The following TBC1D22A variants were observed in gnomAD, a reference collection of about 807,000 sequenced individuals.
TBC1D22A encodes the protein putative GTPase activator.
TBC1D22A carries 38 observed loss-of-function variants against 60.2 expected under a neutral mutation model. The observed-to-expected ratio is 0.63, with a 90% CI of 0.49 to 0.83. The LOEUF (loss-of-function observed/expected upper bound fraction) is 0.83. Ranked by LOEUF, TBC1D22A falls within the 40% of genes least tolerant of loss-of-function variation. TBC1D22A has a pLI of 0.00. For missense variants in TBC1D22A, 628 were observed against 701.0 expected, an observed-to-expected ratio of 0.90 and a Z score of 1.18; for synonymous variants, 302 against 281.7, an observed-to-expected ratio of 1.07 and a Z score of -0.72.
At chr22:46,790,750 C>T (rs1162951550) in intron 1 of TBC1D22A, among the ~76,000 whole-genome samples, 1 of 152,206 alleles carries the variant, frequency 6.6e-6, no homozygotes, top group Non-Finnish European at 1.5e-5. Flanking sequence ...GTGGTGTTGA[C>T]ACTGCTGGTG....
rs1472937856 is a variant in TBC1D22A, at chr22:46,793,786, C to A, written c.405C>A (p.Ser135Arg). The A allele has an allele frequency of 6.3e-7, 1 of 1,598,974 alleles. No homozygotes were observed. Residue 135 changes from serine (S) to arginine (R), a missense_variant, in exon 3 of 13, where the codon AGC becomes AGA. Coordinates refer to ENST00000337137, the MANE Select transcript of TBC1D22A (RefSeq NM_014346.5). ...RPEAEPPSPPSGDLRLVKSVS... is the reference protein window; with the variant it reads ...RPEAEPPSPPRGDLRLVKSVS... ...AGGCAGAGCCGCCCTCACCCCCCAG[C>A]GGCGACCTCCGGCTGGTGAAGTCGG...
chr22:47,107,238 G>T (rs1290879507), intron 11 of TBC1D22A, among the ~76,000 whole-genome samples: 1 of 152,142 alleles, frequency 6.6e-6, no homozygotes, highest in Non-Finnish European at 1.5e-5. Flanking sequence ...CCACATGTAG[G>T]CCAGAAAGAC....
chr22:47,034,895 G>A (rs534812467), intron 10 of TBC1D22A, among the ~76,000 whole-genome samples: 5 of 152,268 alleles, frequency 3.3e-5, no homozygotes, highest in Non-Finnish European at 7.4e-5. Context: ...CTTGCTGCTC[G>A]CGTGTGACGC....
chr22:47,121,127 G>A (rs2066257796), intron 12 of TBC1D22A, among the ~76,000 whole-genome samples: 1 of 152,246 alleles, frequency 6.6e-6, no homozygotes, highest in African/African-American at 2.4e-5. Flanking sequence ...GAGAATTTAT[G>A]TAGCTATCCA....
At chr22:46,905,473 C>A (rs1414145189) in intron 7 of TBC1D22A, among the ~76,000 whole-genome samples, 1 of 152,228 alleles carries the variant, frequency 6.6e-6, no homozygotes, top group African/African-American at 2.4e-5. Flanking sequence ...TGATTTGGGT[C>A]CGTGCAGGGT....
chr22:47,118,536 T>C (rs975154154), intron 12 of TBC1D22A, among the ~76,000 whole-genome samples: 1 of 152,154 alleles, frequency 6.6e-6, no homozygotes, highest in African/African-American at 2.4e-5. Context: ...TTAAAAATAT[T>C]AAAACAAGTA....
intron 4 of TBC1D22A, among the ~76,000 whole-genome samples, chr22:46,841,933 T>C (rs2086790211): frequency 6.6e-6 from 1 of 152,254 alleles, no homozygotes. Flanking sequence ...TACGTAAATC[T>C]GAATCCCATG....
intron 4 of TBC1D22A, among the ~76,000 whole-genome samples, chr22:46,833,192 G>C (rs914969793): frequency 1.3e-5 from 2 of 152,164 alleles, no homozygotes; most frequent in Non-Finnish European, 2.9e-5. Context: ...TGATGACTAG[G>C]CAGTGTTTAG....
chr22:47,161,361 G>A lies in TBC1D22A; in HGVS notation c.1426-12137G>A, dbSNP rs139590953. Among the ~76,000 whole-genome samples the A allele has an allele frequency of 2.6e-4, 39 of 152,216 alleles. No homozygotes were observed. The East Asian group carries it at 6.8e-3, about 26-fold the overall frequency. On this transcript the variant is annotated intron_variant, in intron 12 of 12. Transcript: ENST00000337137. ...TGGTATGGGGGGCACTGGGCTTCCCGCCTGGCTGCCACCTCTGCTTCTCAG... is the reference window on the plus strand; with the variant it reads ...TGGTATGGGGGGCACTGGGCTTCCCACCTGGCTGCCACCTCTGCTTCTCAG...
intron 11 of TBC1D22A, among the ~76,000 whole-genome samples, chr22:47,038,382 G>A (rs898057213): frequency 6.6e-6 from 1 of 152,184 alleles, no homozygotes; most frequent in South Asian, 2.1e-4. Flanking sequence ...TTTCTAAGGC[G>A]GCATAGGTCC....
chr22:46,845,043 G>A (rs1402405200), intron 4 of TBC1D22A, among the ~76,000 whole-genome samples: 6 of 152,158 alleles, frequency 3.9e-5, no homozygotes, highest in East Asian at 1.9e-4. Context: ...ATACCCTGGC[G>A]TCCAGTGACT....
At chr22:46,996,272 C>T (rs2075118671) in intron 9 of TBC1D22A, among the ~76,000 whole-genome samples, 1 of 152,226 alleles carries the variant, frequency 6.6e-6, no homozygotes, top group Non-Finnish European at 1.5e-5. Context: ...TGCCTGGCTT[C>T]CCCTAGCTGA....
At chr22:46,810,792 T>C (rs1486392096) in intron 4 of TBC1D22A, among the ~76,000 whole-genome samples, 5 of 152,130 alleles carry the variant, frequency 3.3e-5, no homozygotes, top group Non-Finnish European at 5.9e-5. Flanking sequence ...AATGAAGAGG[T>C]AGCTCTGCTT....
chr22:46,814,259 A>C (rs1157850822), intron 4 of TBC1D22A, among the ~76,000 whole-genome samples: 1 of 152,152 alleles, frequency 6.6e-6, no homozygotes, highest in East Asian at 1.9e-4. Flanking sequence ...GGAGTCCTTG[A>C]TGTATATTTT....
At chr22:47,039,350 G>A (rs1300890618) in intron 11 of TBC1D22A, among the ~76,000 whole-genome samples, 1 of 152,078 alleles carries the variant, frequency 6.6e-6, no homozygotes, top group African/African-American at 2.4e-5. Context: ...AAATTGTATT[G>A]CATCTTTTGG....
At chr22:46,962,616 G>A (rs136095) in intron 8 of TBC1D22A, among the ~76,000 whole-genome samples, 29,251 of 152,048 alleles carry the variant, frequency 0.19, 2,985 homozygotes, top group East Asian at 0.27. Context: ...TCCCACAGTA[G>A]GGGTGCGGCT....
At chr22:46,904,920 G>A (rs370830581) in intron 7 of TBC1D22A, among the ~76,000 whole-genome samples, 56 of 152,030 alleles carry the variant, frequency 3.7e-4, no homozygotes, top group African/African-American at 1.2e-3. Flanking sequence ...GACTACAGGC[G>A]CCTGCCACCA....
In TBC1D22A at chr22:46,965,303, G is replaced by C. The variant is rs138236193; in HGVS notation, c.1016-8987G>C. Among the ~76,000 whole-genome samples, 17 of 152,308 alleles carry C rather than the reference G, an allele frequency of 1.1e-4. No homozygotes were observed. The East Asian group carries it at 3.3e-3, about 29-fold the overall frequency. On this transcript the variant is annotated intron_variant, in intron 8 of 12. Coordinates refer to ENST00000337137, the MANE Select transcript of TBC1D22A (RefSeq NM_014346.5). ...TTTGCCATCTGACCTGTGGGGGCGG[G>C]GTGCCCCGCCCATTCTCATTTGTTA...
At chr22:46,995,975 T>C (rs2075109394) in intron 9 of TBC1D22A, among the ~76,000 whole-genome samples, 1 of 152,230 alleles carries the variant, frequency 6.6e-6, no homozygotes, top group African/African-American at 2.4e-5. Flanking sequence ...CCTCCTGGGC[T>C]CTGAATGCCG....
Sources: gnomAD v4.1 joint callset for allele counts (sites outside exome capture counted in the v4.1 genomes callset) on GRCh38, gnomAD v4.1.1 for gene constraint, MANE v1.5 for transcripts, NCBI Gene and HGNC (gene_info 2026-07-23, HGNC 2026-07-21) for gene names.